The following CFAP70 variants were observed in gnomAD, a reference collection of about 807,000 sequenced individuals.
The protein encoded by CFAP70 is cilia and flagella associated protein 70.
In CFAP70, 81 loss-of-function variants were observed where a neutral mutation model predicts 137.6. The ratio of observed to expected loss-of-function variants is 0.59; its 90% CI spans 0.49 to 0.71. The LOEUF is 0.71. CFAP70 is among the 30% of genes least tolerant of loss of function. CFAP70 has a pLI of 0.00. For missense variants in CFAP70, 976 were observed against 1,226.7 expected, an observed-to-expected ratio of 0.80 and a Z score of 3.05; for synonymous variants, 382 against 423.6, an observed-to-expected ratio of 0.90 and a Z score of 1.20.
At chr10:73,309,658 A>ATTTTTTTTTTTT (rs60294953) in intron 12 of CFAP70, among the ~76,000 whole-genome samples, 41 of 136,438 alleles carry the variant, frequency 3.0e-4, no homozygotes, top group African/African-American at 1.1e-3. Context: ...TTTCCTAAGA[A>ATTTTTTTTTTTT]TTTTTTTTTT....
At chr10:73,354,408 A>G (rs1047612441) in intron 2 of CFAP70, among the ~76,000 whole-genome samples, 1 of 152,122 alleles carries the variant, frequency 6.6e-6, no homozygotes, top group Admixed American at 6.6e-5. Flanking sequence ...TTAATTAATC[A>G]AATAGAATTA....
chr10:73,323,782 C>A (rs113052851), intron 8 of CFAP70, among the ~76,000 whole-genome samples: 1 of 152,218 alleles, frequency 6.6e-6, no homozygotes, highest in South Asian at 2.1e-4. Flanking sequence ...GGAGGGGTGC[C>A]CCCCATTGCC....
intron 9 of CFAP70, among the ~76,000 whole-genome samples, chr10:73,315,531 G>T (rs118119562): frequency 6.6e-6 from 1 of 151,978 alleles, no homozygotes. Flanking sequence ...GGGTTGTATG[G>T]TAAGTTTATA....
intron 25 of CFAP70, among the ~76,000 whole-genome samples, chr10:73,265,970 CCTTAAA>C (rs1313470557): frequency 2.0e-5 from 3 of 151,558 alleles, no homozygotes; most frequent in Non-Finnish European, 4.4e-5. Flanking sequence ...ATTGGAATTG[CCTTAAA>C]CTTAGATATT....
intron 23 of CFAP70, among the ~76,000 whole-genome samples, chr10:73,274,077 G>C (rs2046514480): frequency 1.3e-5 from 2 of 152,212 alleles, no homozygotes; most frequent in Non-Finnish European, 2.9e-5. Context: ...TTGTGTTTAG[G>C]AGAAAGTTTG....
chr10:73,317,376 C>T (rs2050479746), intron 9 of CFAP70, among the ~76,000 whole-genome samples: 1 of 152,144 alleles, frequency 6.6e-6, no homozygotes. Flanking sequence ...CAGAATTTTG[C>T]ATATGTTATT....
At chr10:73,317,462 G>A (rs920329652) in intron 9 of CFAP70, among the ~76,000 whole-genome samples, 2 of 152,182 alleles carry the variant, frequency 1.3e-5, no homozygotes, top group African/African-American at 4.8e-5. Context: ...TGTAAGTGAT[G>A]AGTTGTTTTT....
chr10:73,278,346 A>G lies in CFAP70; in HGVS notation c.2240-9T>C, dbSNP rs371049307. The G allele has an allele frequency of 1.3e-6, 2 of 1,599,794 alleles. No homozygotes were observed. The highest frequency in any genetic ancestry group is 1.3e-5 in the African/African-American group (1 of 74,222). ...TAATGCAGCTCCTGGTCCTAAATAGATTACATTTTAATGAAAAATAAAACT... is the reference window on the plus strand; with the variant it reads ...TAATGCAGCTCCTGGTCCTAAATAGGTTACATTTTAATGAAAAATAAAACT... On this transcript the variant is annotated splice_polypyrimidine_tract_variant and intron_variant, in intron 19 of 26. Coordinates refer to ENST00000310715, the Ensembl canonical transcript of CFAP70.
At chr10:73,267,832 T>C (rs1292608933) in intron 25 of CFAP70, among the ~76,000 whole-genome samples, 5 of 152,178 alleles carry the variant, frequency 3.3e-5, no homozygotes, top group Non-Finnish European at 7.4e-5. Context: ...ATTCAGTTCT[T>C]TGTGTTTATA....
intron 5 of CFAP70, 79 bp downstream of exon 6, chr10:73,344,986 T>A: frequency 8.4e-7 from 1 of 1,192,374 alleles, no homozygotes; most frequent in South Asian, 1.5e-5. Context: ...TTGAATGAAA[T>A]CTTAGAGGTG....
At chr10:73,276,509 A>AT (rs2046756379) in intron 21 of CFAP70, 1 of 151,986 alleles carries the variant, frequency 6.6e-6, no homozygotes, top group Non-Finnish European at 1.5e-5. Context: ...GTCTGTTTCT[A>AT]TTTTGCGGAG....
intron 24 of CFAP70, chr10:73,272,701 G>C (rs938403245): frequency 3.3e-6 from 2 of 613,712 alleles, no homozygotes. Context: ...TTATTATGTA[G>C]CTTCTTGGTT....
intron 19 of CFAP70, among the ~76,000 whole-genome samples, chr10:73,290,797 C>G (rs1210459384): frequency 6.6e-6 from 1 of 152,006 alleles, no homozygotes; most frequent in Non-Finnish European, 1.5e-5. Context: ...AATGGTGCCC[C>G]TTTTAAAGAC....
At chr10:73,296,320 C>T (rs1338021130) in intron 15 of CFAP70, 1 of 152,138 alleles carries the variant, frequency 6.6e-6, no homozygotes, top group East Asian at 1.9e-4. Context: ...TCTCTTAATC[C>T]TTTGATGCTG....
At chr10:73,360,343 T>A (rs2054959481), upstream of CFAP70, among the ~76,000 whole-genome samples, 1 of 152,122 alleles carries the variant, frequency 6.6e-6, no homozygotes, top group African/African-American at 2.4e-5. Context: ...TACATACACA[T>A]GTACACACAC....
intron 21 of CFAP70, chr10:73,276,463 G>C (rs916292877): frequency 6.6e-6 from 1 of 152,184 alleles, no homozygotes; most frequent in African/African-American, 2.4e-5. Flanking sequence ...TCTGACCTGG[G>C]GGAGCTAATG....
exon 7 of CFAP70, chr10:73,335,509 T>C (rs751677440): frequency 6.2e-7 from 1 of 1,611,706 alleles, no homozygotes; most frequent in Non-Finnish European, 8.5e-7. Flanking sequence ...TCTGCTTGAT[T>C]CCTAAATTCG....
At chr10:73,350,670 T>C (rs2054117330) in intron 3 of CFAP70, among the ~76,000 whole-genome samples, 1 of 152,136 alleles carries the variant, frequency 6.6e-6, no homozygotes, top group Admixed American at 6.6e-5. Flanking sequence ...AAAGGCTTCC[T>C]CTCTCTGATT....
chr10:73,353,173 T>A (rs1164140353), intron 3 of CFAP70, among the ~76,000 whole-genome samples: 2 of 152,216 alleles, frequency 1.3e-5, no homozygotes, highest in African/African-American at 4.8e-5. Flanking sequence ...TAGACAGAGA[T>A]GCTGATAAGC....
Sources: allele counts gnomAD v4.1 joint callset (sites outside exome capture counted in the v4.1 genomes callset), GRCh38; gene constraint gnomAD v4.1.1; transcripts MANE v1.5; gene names NCBI Gene and HGNC (gene_info 2026-07-23, HGNC 2026-07-21).